Variants in PLCG1 observed in about 807,000 individuals in gnomAD.
PLCG1 encodes the protein phospholipase C gamma 1.
Under a neutral mutation model 177.8 loss-of-function variants are expected in PLCG1, and 71 were observed. That is an observed-to-expected ratio of 0.40 (90% CI 0.33 to 0.49). PLCG1 has a LOEUF of 0.49. Ranked by LOEUF, PLCG1 falls within the 20% of genes least tolerant of loss-of-function variation. The pLI is 0.72. For missense variants in PLCG1, 1,281 were observed against 1,709.0 expected, an observed-to-expected ratio of 0.75 and a Z score of 4.42; for synonymous variants, 658 against 647.9, an observed-to-expected ratio of 1.02 and a Z score of -0.24.
rs1264532503 is a variant in PLCG1, at chr20:41,164,166, G to C, written c.1182G>C (p.Leu394=). ...CCAAGATCAAGTTCTCAGATGTCCT[G>C]CACACCATCAAGGAGCATGCCTTTG... ...LTTKIKFSDV[L]HTIKEHAFVA... is the part of the protein sequence containing the mutation. Residue 394 remains leucine, a synonymous_variant, in exon 12 of 32, where the codon CTG becomes CTC. Coordinates refer to ENST00000685551, the MANE Select transcript of PLCG1 (RefSeq NM_002660.3). This position sits in a 1 kb window ranked among gnomAD's most constrained non-coding sequence, Gnocchi z 6.4. 3 of 1,614,060 alleles carry C rather than the reference G, an allele frequency of 1.9e-6. No homozygotes were observed. The South Asian group carries it at 3.3e-5, about 18-fold the overall frequency.
chr20:41,175,476 CT>C lies in PLCG1; in HGVS notation c.*969del, dbSNP rs1764855006. ...TTAGGTGCTGAATGAAGCTGCCATC[CT>C]TGCTGCAGCTTCTAACTGGTAAAAA... On this transcript the variant is annotated 3_prime_UTR_variant, in exon 32 of 32. Transcript: ENST00000685551. 1 of 152,446 alleles carries C rather than the reference CT, an allele frequency of 6.6e-6. No homozygotes were observed. The highest frequency in any genetic ancestry group is 6.5e-5 in the Admixed American group (1 of 15,276). 9.4% of individuals were successfully genotyped at this position (152,446 alleles called of 1,614,324 possible).
In PLCG1 at chr20:41,164,935, A is replaced by G. The variant is rs2035630308; in HGVS notation, c.1220A>G (p.Tyr407Cys). Residue 407 changes from tyrosine (Y) to cysteine (C), a missense_variant and splice_region_variant, in exon 13 of 32, where the codon TAC becomes TGC. By Grantham distance (194) the Tyr-to-Cys change is radical (BLOSUM62 -2). Transcript: ENST00000685551. This position sits in a 1 kb window ranked among gnomAD's most constrained non-coding sequence, Gnocchi z 6.4. ...TGTGCTTGTCCCCCATCCCGCAGGTACCCAGTCATCCTGTCCATTGAGGAC... is the reference window on the plus strand; with the variant it reads ...TGTGCTTGTCCCCCATCCCGCAGGTGCCCAGTCATCCTGTCCATTGAGGAC... ...IKEHAFVASE[Y>C]PVILSIEDHC... 1 of 1,613,296 alleles carries G rather than the reference A, an allele frequency of 6.2e-7. No individual in the cohort carries two copies. Among genetic ancestry groups the G allele is most frequent in the Non-Finnish European group, 8.5e-7 (1 of 1,179,432 alleles).
chr20:41,158,803 G>T (rs988894996), intron 1 of PLCG1, among the ~76,000 whole-genome samples: 5 of 152,204 alleles, frequency 3.3e-5, no homozygotes, highest in African/African-American at 1.2e-4. Context: ...CTGCCTTCTA[G>T]AGAAACTCAG....
At chr20:41,169,810 T>TTGTA (rs11473325) in intron 23 of PLCG1, among the ~76,000 whole-genome samples, 8,845 of 152,126 alleles carry the variant, frequency 0.058, 849 homozygotes, top group African/African-American at 0.2. Context: ...GCCTAATGGG[T>TTGTA]TGTACCACAG....
Position 41,165,020 on chromosome 20 carries a change from C to G in PLCG1, c.1305C>G (p.Asp435Glu), listed in dbSNP as rs2146042525. The change falls in exon 13 of 32, where the codon GAC becomes GAG. Residue 435 changes from aspartate (D) to glutamate (E), a missense_variant. By Grantham distance (45) the Asp-to-Glu change is conservative. Transcript: ENST00000685551. This position sits in a 1 kb window ranked among gnomAD's most constrained non-coding sequence, Gnocchi z 6.6. ...MAQYFKKVLG[D>E]TLLTKPVEIS... Reference sequence around the variant, plus strand: ...AATACTTCAAGAAGGTGCTGGGGGACACACTCCTCACCAAGCCCGTGGAGA... The same window carrying G: ...AATACTTCAAGAAGGTGCTGGGGGAGACACTCCTCACCAAGCCCGTGGAGA... 6.2e-7 allele frequency: 1 copy of G among 1,614,178 alleles called. No individual in the cohort carries two copies. The highest frequency in any genetic ancestry group is 8.5e-7 in the Non-Finnish European group (1 of 1,180,012).
chr20:41,150,496 G>A lies in PLCG1; in HGVS notation c.218-9110G>A, dbSNP rs766713572. On this transcript the variant is annotated intron_variant, in intron 1 of 31. Coordinates refer to ENST00000685551, the MANE Select transcript of PLCG1 (RefSeq NM_002660.3). The surrounding 1 kb of genome is among the most constrained non-coding windows in gnomAD (Gnocchi z 4.0). ...CTGGCATACACAGGCCATCTAGAAA[G>A]AACTTAGGCAGCATCAGTCTGCAAG... Among the ~76,000 whole-genome samples the A allele has an allele frequency of 2.0e-5, 3 of 152,070 alleles. No individual in the cohort carries two copies. Among genetic ancestry groups the A allele is most frequent in the Non-Finnish European group, 4.4e-5 (3 of 68,018 alleles).
At chr20:41,140,955 T>C (rs1341640638) in intron 1 of PLCG1, among the ~76,000 whole-genome samples, 3 of 152,186 alleles carry the variant, frequency 2.0e-5, no homozygotes, top group Non-Finnish European at 4.4e-5. Context: ...CCCAAGCCCA[T>C]GTTCCCTGTG....
At chr20:41,168,170 G>A (rs2035766833) in intron 20 of PLCG1, among the ~76,000 whole-genome samples, 1 of 152,182 alleles carries the variant, frequency 6.6e-6, no homozygotes, top group Non-Finnish European at 1.5e-5. Flanking sequence ...TCCTGTGGGT[G>A]ACCCCTGTTT....
chr20:41,146,241 C>G lies in PLCG1; in HGVS notation c.217+8383C>G, dbSNP rs2034991777. Reference sequence around the variant, plus strand: ...TTAGGAAGCAAGAAAACGAGGTGACCCAGTCCTTGATCCTGAGAAGCTTGT... The same window carrying G: ...TTAGGAAGCAAGAAAACGAGGTGACGCAGTCCTTGATCCTGAGAAGCTTGT... On this transcript the variant is annotated intron_variant, in intron 1 of 31. Transcript: ENST00000685551. This position sits in a 1 kb window ranked among gnomAD's most constrained non-coding sequence, Gnocchi z 6.3. 6.6e-6 allele frequency among the ~76,000 whole-genome samples: 1 copy of G among 152,166 alleles called. No individual in the cohort carries two copies.
At position 41,165,333 on chromosome 20, in the gene PLCG1, A is replaced by G. The variant is rs1448331123; in HGVS notation, c.1475A>G (p.Asn492Ser). Residue 492 changes from asparagine to serine, a missense_variant, in exon 14 of 32, where the codon AAT becomes AGT. By Grantham distance (46) the Asn-to-Ser change is conservative. Coordinates refer to ENST00000685551, the MANE Select transcript of PLCG1 (RefSeq NM_002660.3). The surrounding 1 kb of genome is among the most constrained non-coding windows in gnomAD (Gnocchi z 6.6). Reference sequence around the variant, plus strand: ...AACGACATCAGCAACTCTATCAAGAATGGCATCCTCTACCTGGAGGACCCT... The same window carrying G: ...AACGACATCAGCAACTCTATCAAGAGTGGCATCCTCTACCTGGAGGACCCT... ...SENDISNSIK[N>S]GILYLEDPVN... 6.2e-7 allele frequency: 1 copy of G among 1,614,174 alleles called. No homozygotes were observed. The highest frequency in any genetic ancestry group is 8.5e-7 in the Non-Finnish European group (1 of 1,180,030).
rs1229040943 is a variant in PLCG1 at position 41,172,265 on chromosome 20, C to A, written c.2881C>A (p.Arg961=). 1 of 1,613,784 alleles carries A rather than the reference C, an allele frequency of 6.2e-7. No individual in the cohort carries two copies. Among genetic ancestry groups the A allele is most frequent in the African/African-American group, 1.3e-5 (1 of 74,902 alleles). ...GCTCTCTGAACTTGTCGTCTACTGC[C>A]GGCCTGTTCCCTTTGATGAAGAGAG... ...LELSELVVYC[R]PVPFDEEKIG... is the part of the protein sequence containing the mutation. Residue 961 remains arginine (R), a synonymous_variant, in exon 25 of 32, where the codon CGG becomes AGG. Transcript: ENST00000685551. This position sits in a 1 kb window ranked among gnomAD's most constrained non-coding sequence, Gnocchi z 7.0.
At chr20:41,162,277 C>T (rs2035532379) in intron 4 of PLCG1, 175 bp from the exon 5 acceptor site, 2 of 156,122 alleles carry the variant, frequency 1.3e-5, no homozygotes, top group Non-Finnish European at 2.3e-5. Flanking sequence ...GAACTGAGGT[C>T]CAAAGAAAGG....
Position 41,173,538 on chromosome 20 carries a change from A to C in PLCG1, c.3394+4A>C. 6.2e-7 allele frequency: 1 copy of C among 1,613,794 alleles called. No homozygotes were observed. The highest frequency in any genetic ancestry group is 8.5e-7 in the Non-Finnish European group (1 of 1,179,886). On this transcript the variant is annotated splice_donor_region_variant and intron_variant, in intron 28 of 31. Transcript: ENST00000685551. The surrounding 1 kb of genome is among the most constrained non-coding windows in gnomAD (Gnocchi z 6.2). Reference sequence around the variant, plus strand: ...AAGCAGAAGACAGAGTTTGTGGGTCAGTCTGTCTTCCCAGTCATCCTCCTC... The same window carrying C: ...AAGCAGAAGACAGAGTTTGTGGGTCCGTCTGTCTTCCCAGTCATCCTCCTC...
Position 41,172,734 on chromosome 20 carries a change from C to G in PLCG1, c.3136C>G (p.Pro1046Ala), listed in dbSNP as rs1337870022. 1 of 1,614,038 alleles carries G rather than the reference C, an allele frequency of 6.2e-7. No homozygotes were observed. The highest frequency in any genetic ancestry group is 1.1e-5 in the South Asian group (1 of 91,074). Residue 1046 changes from proline to alanine, a missense_variant, in exon 27 of 32, where the codon CCT becomes GCT. This residue lies in a region of PLCG1 where 723 missense variants were observed against 1,030.0 expected (regional missense o/e 0.70). Transcript: ENST00000685551. The surrounding 1 kb of genome is among the most constrained non-coding windows in gnomAD (Gnocchi z 7.0). ...CCATAATCTGCCTCTTCCAGACAAG[C>G]CTATGCAGATGAACCAGGCCCTCTT... is the stretch of plus-strand genomic sequence containing the variant. Reference protein sequence around the residue: ...VALNFQTPDKPMQMNQALFMT... With the variant: ...VALNFQTPDKAMQMNQALFMT...
chr20:41,163,516 A>G lies in PLCG1; in HGVS notation c.891+37A>G. 6.8e-7 allele frequency: 1 copy of G among 1,476,412 alleles called. No homozygotes were observed. The highest frequency in any genetic ancestry group is 9.5e-7 in the Non-Finnish European group (1 of 1,057,876). The allele number at this position is 1,476,412 out of a possible 1,614,324, so 91.5% of individuals were successfully genotyped here. A position where few individuals can be genotyped will look rare whatever the true frequency, so the allele number is the denominator to read the frequency against. ...GTTTCACCCATTTTTTGTCAAGAGAATGAGTAGGGGTGACCAGGACCCCAC... is the reference window on the plus strand; with the variant it reads ...GTTTCACCCATTTTTTGTCAAGAGAGTGAGTAGGGGTGACCAGGACCCCAC... On this transcript the variant is annotated intron_variant, in intron 9 of 31. Transcript: ENST00000685551. This position sits in a 1 kb window ranked among gnomAD's most constrained non-coding sequence, Gnocchi z 5.2.
chr20:41,146,428 G>A lies in PLCG1; in HGVS notation c.217+8570G>A, dbSNP rs1233782867. Among the ~76,000 whole-genome samples the A allele has an allele frequency of 6.6e-6, 1 of 152,228 alleles. No individual in the cohort carries two copies. Among genetic ancestry groups the A allele is most frequent in the Non-Finnish European group, 1.5e-5 (1 of 68,044 alleles). ...CCCTCCACCTGCCAGCTGGCACACA[G>A]GTGTTGGGTAAAGCATCTGTACAAA... On this transcript the variant is annotated intron_variant, in intron 1 of 31. Transcript: ENST00000685551. This position sits in a 1 kb window ranked among gnomAD's most constrained non-coding sequence, Gnocchi z 6.3.
Position 41,163,438 on chromosome 20 carries a change from C to A in PLCG1, c.850C>A (p.Pro284Thr). The change falls in exon 9 of 32, where the codon CCC becomes ACC. Residue 284 changes from proline to threonine, a missense_variant. This residue lies in a region of PLCG1 where 374 missense variants were observed against 443.8 expected (regional missense o/e 0.84). Transcript: ENST00000685551. This position sits in a 1 kb window ranked among gnomAD's most constrained non-coding sequence, Gnocchi z 5.2. ...GTTCATGCTCAGCTTCCTCCGAGAC[C>A]CCTTACGAGAGATCGAGGAGCCATA... ...QEFMLSFLRD[P>T]LREIEEPYFF... The A allele has an allele frequency of 6.2e-7, 1 of 1,612,860 alleles. No homozygotes were observed. The highest frequency in any genetic ancestry group is 8.5e-7 in the Non-Finnish European group (1 of 1,179,448).
rs1177367992 is a variant in PLCG1, at chr20:41,160,377, G to A, written c.512+224G>A. On this transcript the variant is annotated intron_variant, in intron 4 of 31. Coordinates refer to ENST00000685551, the MANE Select transcript of PLCG1 (RefSeq NM_002660.3). The surrounding 1 kb of genome is among the most constrained non-coding windows in gnomAD (Gnocchi z 5.5). ...GAGCCAGCCACATGCTGTGTGCCCTGCCACTATGGGCAGAGACTGGATGTG... is the reference window on the plus strand; with the variant it reads ...GAGCCAGCCACATGCTGTGTGCCCTACCACTATGGGCAGAGACTGGATGTG... 6.6e-6 allele frequency among the ~76,000 whole-genome samples: 1 copy of A among 152,206 alleles called. No homozygotes were observed. The highest frequency in any genetic ancestry group is 2.4e-5 in the African/African-American group (1 of 41,444).
chr20:41,170,309 G>T (rs1219269582), intron 24 of PLCG1, 40 bp downstream of exon 24: 2 of 1,610,970 alleles, frequency 1.2e-6, no homozygotes, highest in Admixed American at 1.7e-5. Context: ...CAGTGTGTGG[G>T]CCCGTCAGGC....
Sources: allele counts gnomAD v4.1 joint callset (sites outside exome capture counted in the v4.1 genomes callset), GRCh38; gene constraint gnomAD v4.1.1; regional missense constraint gnomAD v4.1.1; non-coding constraint Gnocchi (gnomAD v3.1); transcripts MANE v1.5; gene names NCBI Gene and HGNC (gene_info 2026-07-23, HGNC 2026-07-21).